Variants in ARHGAP42 observed in about 807,000 individuals in gnomAD.
ARHGAP42 encodes the protein Rho GTPase activating protein 42.
In ARHGAP42, 63 loss-of-function variants were observed where a neutral mutation model predicts 125.0. That is an observed-to-expected ratio of 0.50 (90% confidence interval 0.41 to 0.62). The LOEUF is 0.62. Among genes scored for constraint, ARHGAP42 ranks in the 20% least tolerant of loss-of-function variants. The pLI, the probability that ARHGAP42 is intolerant of heterozygous loss-of-function variation, is 0.00. For synonymous variants in ARHGAP42, 339 were observed against 351.0 expected, an observed-to-expected ratio of 0.97 and a Z score of 0.38; for missense variants, 766 against 1,024.2, an observed-to-expected ratio of 0.75 and a Z score of 3.44.
chr11:100,974,375 T>A, intron 18 of ARHGAP42, 84 bp from the exon 19 acceptor site: 2 of 1,279,640 alleles, frequency 1.6e-6, no homozygotes, highest in Non-Finnish European at 2.1e-6. Flanking sequence ...GCTGATTAAG[T>A]AGCATATGGT....
At chr11:100,803,801 A>G (rs1263839792) in intron 3 of ARHGAP42, among the ~76,000 whole-genome samples, 7 of 152,074 alleles carry the variant, frequency 4.6e-5, no homozygotes, top group African/African-American at 1.7e-4. Context: ...TTTCTTGGCT[A>G]TATCTTTGTC....
intron 4 of ARHGAP42, among the ~76,000 whole-genome samples, chr11:100,886,957 GT>G: frequency 6.6e-6 from 1 of 152,110 alleles, no homozygotes; most frequent in Non-Finnish European, 1.5e-5. Flanking sequence ...ATACAAAGCT[GT>G]GTTTGTAAGC....
At chr11:100,815,997 CTGAATAATATTCCATTG>C (rs1864257201) in intron 3 of ARHGAP42, among the ~76,000 whole-genome samples, 1 of 152,170 alleles carries the variant, frequency 6.6e-6, no homozygotes, top group Non-Finnish European at 1.5e-5. Context: ...CTTTTCAAGG[CTGAATAATATTCCATTG>C]TATGTATACA....
rs201445134 is a variant in ARHGAP42 at position 100,688,129 on chromosome 11, AT to A, written c.154+309del. Among the ~76,000 whole-genome samples the A allele has an allele frequency of 6.7e-3, 989 of 148,230 alleles. 17 individuals are homozygous for A. Among genetic ancestry groups the A allele is most frequent in the African/African-American group, 0.021 (856 of 40,610 alleles). Reference sequence around the variant, plus strand: ...TCCTAGGAAGATGTTGGGGACTTTAATTTTTTTTTTTTAATTTATTGTGTCT... The same window carrying A: ...TCCTAGGAAGATGTTGGGGACTTTAATTTTTTTTTTTAATTTATTGTGTCT... On this transcript the variant is annotated intron_variant, in intron 1 of 23. Transcript: ENST00000298815.
chr11:100,863,078 AC>A (rs796699181), intron 4 of ARHGAP42, among the ~76,000 whole-genome samples: 1 of 107,104 alleles, frequency 9.3e-6, no homozygotes. Context: ...ACACACACAC[AC>A]ACAACAACAA....
At chr11:100,836,009 C>A (rs986566704) in intron 3 of ARHGAP42, among the ~76,000 whole-genome samples, 12 of 152,060 alleles carry the variant, frequency 7.9e-5, no homozygotes, top group African/African-American at 2.9e-4. Flanking sequence ...ATTTTTGGGT[C>A]ATTTTTCAAA....
chr11:100,900,483 G>T (rs1445934376), intron 4 of ARHGAP42, among the ~76,000 whole-genome samples: 1 of 152,150 alleles, frequency 6.6e-6, no homozygotes, highest in African/African-American at 2.4e-5. Context: ...GTTCTTCTGG[G>T]ATAATATCCT....
intron 1 of ARHGAP42, among the ~76,000 whole-genome samples, chr11:100,689,209 G>A (rs1861144975): frequency 6.6e-6 from 1 of 152,182 alleles, no homozygotes; most frequent in Admixed American, 6.5e-5. Flanking sequence ...GGTATTTACT[G>A]TGATTTGTGA....
At chr11:100,795,567 TA>T (rs891627736) in intron 3 of ARHGAP42, among the ~76,000 whole-genome samples, 7 of 152,174 alleles carry the variant, frequency 4.6e-5, no homozygotes, top group African/African-American at 9.7e-5. Context: ...AGGGTAGTGT[TA>T]AAAGGTAACG....
At chr11:100,964,301 A>G (rs1336326499) in intron 16 of ARHGAP42, among the ~76,000 whole-genome samples, 1 of 152,126 alleles carries the variant, frequency 6.6e-6, no homozygotes, top group Non-Finnish European at 1.5e-5. Flanking sequence ...AGGATCTCTC[A>G]TCTTTGTTCT....
intron 1 of ARHGAP42, 93 bp from the exon 2 acceptor site, chr11:100,770,250 C>G (rs1862940986): frequency 1.2e-6 from 1 of 866,676 alleles, no homozygotes; most frequent in African/African-American, 1.7e-5. Flanking sequence ...TCATATAATA[C>G]AAAATCAAAG....
At chr11:100,936,411 C>T in intron 8 of ARHGAP42, 79 bp downstream of exon 8, 1 of 1,504,530 alleles carries the variant, frequency 6.6e-7, no homozygotes, top group South Asian at 1.3e-5. Flanking sequence ...GTAGTATTTC[C>T]TTCAAGTAGG....
At chr11:100,696,957 G>A (rs1861294283) in intron 1 of ARHGAP42, among the ~76,000 whole-genome samples, 1 of 152,064 alleles carries the variant, frequency 6.6e-6, no homozygotes, top group Non-Finnish European at 1.5e-5. Context: ...CTTCTATTTT[G>A]TTAAGAATGG....
intron 6 of ARHGAP42, among the ~76,000 whole-genome samples, chr11:100,928,152 T>A (rs1257828642): frequency 6.6e-6 from 1 of 152,190 alleles, no homozygotes; most frequent in East Asian, 1.9e-4. Context: ...TTTTACAGTG[T>A]GAAAATTGAT....
intron 4 of ARHGAP42, among the ~76,000 whole-genome samples, chr11:100,862,475 A>G (rs1865468081): frequency 6.6e-6 from 1 of 152,204 alleles, no homozygotes; most frequent in Non-Finnish European, 1.5e-5. Flanking sequence ...AGGAGTCTTA[A>G]TAACATTTTA....
At chr11:100,971,721 C>A (rs1416600131) in intron 17 of ARHGAP42, among the ~76,000 whole-genome samples, 1 of 152,002 alleles carries the variant, frequency 6.6e-6, no homozygotes, top group Non-Finnish European at 1.5e-5. Context: ...AGCAAGAGTG[C>A]CTAAAGCTAA....
chr11:100,728,595 C>G (rs1429363998), intron 1 of ARHGAP42, among the ~76,000 whole-genome samples: 1 of 151,712 alleles, frequency 6.6e-6, no homozygotes, highest in East Asian at 1.9e-4. Context: ...TTACTTTCCT[C>G]TTTTCCTCAT....
chr11:100,697,813 T>G (rs1861313227), intron 1 of ARHGAP42, among the ~76,000 whole-genome samples: 1 of 152,218 alleles, frequency 6.6e-6, no homozygotes, highest in Non-Finnish European at 1.5e-5. Context: ...CTTCTTCATT[T>G]ATTTAATTTC....
chr11:100,829,518 T>G (rs1864613887), intron 3 of ARHGAP42, among the ~76,000 whole-genome samples: 1 of 152,190 alleles, frequency 6.6e-6, no homozygotes, highest in African/African-American at 2.4e-5. Context: ...AAGAATCTTC[T>G]TAGCTTCAAA....
Sources: gnomAD v4.1 joint callset for allele counts (sites outside exome capture counted in the v4.1 genomes callset) on GRCh38, gnomAD v4.1.1 for gene constraint, MANE v1.5 for transcripts, NCBI Gene and HGNC (gene_info 2026-07-23, HGNC 2026-07-21) for gene names.